The following CNDP1 variants were observed in gnomAD, a reference collection of about 807,000 sequenced individuals.
CNDP1 encodes carnosine dipeptidase 1, also known as beta-Ala-His dipeptidase.
A neutral mutation model predicts 58.1 loss-of-function variants in CNDP1; 44 were observed. The observed-to-expected ratio is 0.76, with a 90% CI of 0.60 to 0.97. CNDP1 has a LOEUF of 0.97. Ranked by LOEUF, CNDP1 falls within the 50% of genes least tolerant of loss-of-function variation. CNDP1 has a pLI of 0.00. For synonymous variants in CNDP1, 254 were observed against 252.6 expected, an observed-to-expected ratio of 1.01 and a Z score of -0.05; for missense variants, 616 against 655.1, an observed-to-expected ratio of 0.94 and a Z score of 0.65.
rs950804676 is a variant in CNDP1, at chr18:74,545,222, G to A, written c.24+10531G>A. Among the ~76,000 whole-genome samples the A allele has an allele frequency of 2.6e-5, 4 of 152,174 alleles. No individual in the cohort carries two copies. The highest frequency in any genetic ancestry group is 6.5e-5 in the Admixed American group (1 of 15,284). On this transcript the variant is annotated intron_variant, in intron 1 of 11. Coordinates refer to ENST00000358821, the MANE Select transcript of CNDP1 (RefSeq NM_032649.6). This position sits in a 1 kb window ranked among gnomAD's most constrained non-coding sequence, Gnocchi z 4.1. ...TAGTGGAGACCGATGGGAAAGCCCC[G>A]CCCTCTCCTCGAATCTGCCTTGTTC... is the stretch of plus-strand genomic sequence containing the variant.
intron 4 of CNDP1, 90 bp downstream of exon 4, chr18:74,561,108 C>A: frequency 6.7e-7 from 1 of 1,496,494 alleles, no homozygotes. Flanking sequence ...GGTTTTGGGT[C>A]TCTCCCTGTC....
chr18:74,572,160 G>A (rs1981495378), intron 7 of CNDP1, among the ~76,000 whole-genome samples: 2 of 152,154 alleles, frequency 1.3e-5, no homozygotes, highest in Non-Finnish European at 2.9e-5. Context: ...TTCCCCGATT[G>A]TCCTGGTGCT....
rs983934864 is a variant in CNDP1 at position 74,587,018 on chromosome 18, T to A, written c.*2456T>A. The A allele has an allele frequency of 6.6e-6, 1 of 152,184 alleles. No individual in the cohort carries two copies. The highest frequency in any genetic ancestry group is 1.9e-4 in the East Asian group (1 of 5,196). 9.4% of individuals were successfully genotyped at this position (152,184 alleles called of 1,614,324 possible). A position where few individuals can be genotyped will look rare whatever the true frequency, so the allele number is the denominator to read the frequency against. On this transcript the variant is annotated 3_prime_UTR_variant, in exon 12 of 12. Coordinates refer to ENST00000358821, the MANE Select transcript of CNDP1 (RefSeq NM_032649.6). ...ATTGTGGCATGCCCATCAGGGGGAC[T>A]TTGTTGTATTGGAGGAGGGCAATGT...
chr18:74,575,773 A>C (rs1981616431), intron 7 of CNDP1, among the ~76,000 whole-genome samples: 1 of 150,438 alleles, frequency 6.6e-6, no homozygotes, highest in Non-Finnish European at 1.5e-5. Context: ...AGAGAAGTTG[A>C]GAAGGGATGA....
rs758303238 is a variant in CNDP1 at position 74,562,097 on chromosome 18, T to C, written c.517T>C (p.Trp173Arg). Residue 173 changes from tryptophan to arginine, a missense_variant, in exon 5 of 12, where the codon TGG becomes CGG. Transcript: ENST00000358821. ...ATDNKGPVLA[W>R]INAVSAFRAL... Reference sequence around the variant, plus strand: ...CGACAACAAAGGCCCTGTCTTGGCTTGGATCAATGCTGTGAGCGCCTTCAG... The same window carrying C: ...CGACAACAAAGGCCCTGTCTTGGCTCGGATCAATGCTGTGAGCGCCTTCAG... 1 of 1,614,110 alleles carries C rather than the reference T, an allele frequency of 6.2e-7. No individual in the cohort carries two copies. The highest frequency in any genetic ancestry group is 8.5e-7 in the Non-Finnish European group (1 of 1,179,994).
chr18:74,549,677 C>A (rs1177126375), intron 1 of CNDP1, among the ~76,000 whole-genome samples: 1 of 152,144 alleles, frequency 6.6e-6, no homozygotes, highest in Non-Finnish European at 1.5e-5. Flanking sequence ...TAAAAGGTAG[C>A]CAAGTGTTAA....
chr18:74,571,362 A>G, intron 7 of CNDP1, 92 bp downstream of exon 7: 2 of 888,180 alleles, frequency 2.3e-6, no homozygotes, highest in Non-Finnish European at 3.8e-6. Context: ...TGCTTTCTGA[A>G]CCAGCTCTGA....
At chr18:74,579,122 C>G (rs549558188) in intron 9 of CNDP1, among the ~76,000 whole-genome samples, 36 of 149,832 alleles carry the variant, frequency 2.4e-4, no homozygotes, top group Admixed American at 1.4e-3. Flanking sequence ...CTCCCTCCTT[C>G]CTTCCTTCCT....
In CNDP1 at chr18:74,534,681, T is replaced by C; in HGVS notation, c.14T>C (p.Leu5Pro). The change falls in exon 1 of 12, where the codon CTC (leucine) becomes CCC (proline). Residue 5 changes from leucine to proline, a missense_variant. Transcript: ENST00000358821. ...AACTCCAGCCTAATGGATCCCAAACTCGGGAGAATGGTGAGTAGGACCTCC... is the reference window on the plus strand; with the variant it reads ...AACTCCAGCCTAATGGATCCCAAACCCGGGAGAATGGTGAGTAGGACCTCC... MDPK[L>P]GRMAASLLAV... The C allele has an allele frequency of 6.2e-7, 1 of 1,614,122 alleles. No homozygotes were observed. Among genetic ancestry groups the C allele is most frequent in the Non-Finnish European group, 8.5e-7 (1 of 1,180,016 alleles).
At chr18:74,578,099 A>G in intron 8 of CNDP1, 64 bp from the exon 9 acceptor site, 1 of 1,494,784 alleles carries the variant, frequency 6.7e-7, no homozygotes, top group Non-Finnish European at 9.1e-7. Flanking sequence ...GGGTGGTAAC[A>G]CAAGCAACCC....
chr18:74,560,058 G>A (rs1044123986), intron 3 of CNDP1, among the ~76,000 whole-genome samples: 4 of 137,308 alleles, frequency 2.9e-5, no homozygotes, highest in Non-Finnish European at 4.5e-5. Flanking sequence ...AGCCCAGGCT[G>A]GAGTGCAGTG....
intron 1 of CNDP1, among the ~76,000 whole-genome samples, chr18:74,537,537 T>C (rs1980512978): frequency 6.6e-6 from 1 of 152,218 alleles, no homozygotes; most frequent in Non-Finnish European, 1.5e-5. Context: ...TTTCTTTTAC[T>C]GTGACACAGA....
In CNDP1 at chr18:74,560,975, C is replaced by T. The variant is rs368136596; in HGVS notation, c.423C>T (p.Gly141=). ...GHLDVQPADR[G]DGWLTDPYVL... is the part of the protein sequence containing the mutation. ...TGGACGTGCAGCCTGCTGACCGGGG[C>T]GATGGGTGGCTCACGGACCCCTATG... is the stretch of plus-strand genomic sequence containing the variant. Residue 141 remains glycine (G), a synonymous_variant, in exon 4 of 12, where the codon GGC becomes GGT. Coordinates refer to ENST00000358821, the MANE Select transcript of CNDP1 (RefSeq NM_032649.6). 2.5e-5 allele frequency: 41 copies of T among 1,614,000 alleles called. No homozygotes were observed. In the African/African-American group the frequency reaches 3.1e-4, roughly 12 times the overall value.
intron 1 of CNDP1, among the ~76,000 whole-genome samples, chr18:74,550,740 CTA>C (rs1411727392): frequency 9.0e-6 from 1 of 111,554 alleles, no homozygotes; most frequent in African/African-American, 3.7e-5. Flanking sequence ...CCACGCCCGA[CTA>C]TTTTTTTTTT....
At chr18:74,546,974 G>A (rs1235869094) in intron 1 of CNDP1, among the ~76,000 whole-genome samples, 1 of 152,160 alleles carries the variant, frequency 6.6e-6, no homozygotes, top group African/African-American at 2.4e-5. Context: ...GACTTTCTGG[G>A]GAATTTTGCT....
chr18:74,559,229 C>G (rs890006375), intron 2 of CNDP1, 94 bp from the exon 3 acceptor site: 5 of 1,256,386 alleles, frequency 4.0e-6, no homozygotes, highest in Non-Finnish European at 4.6e-6. Context: ...CAGAAAAGTA[C>G]CTGGGGACTC....
At chr18:74,555,333 G>A (rs1981009624) in intron 1 of CNDP1, among the ~76,000 whole-genome samples, 1 of 152,106 alleles carries the variant, frequency 6.6e-6, no homozygotes, top group Non-Finnish European at 1.5e-5. Context: ...CCTGACGTAG[G>A]CGGTCTGACC....
At chr18:74,553,782 C>T (rs1980968340) in intron 1 of CNDP1, among the ~76,000 whole-genome samples, 1 of 152,158 alleles carries the variant, frequency 6.6e-6, no homozygotes, top group Admixed American at 6.5e-5. Context: ...AAAACTTCTG[C>T]CCTGAATGCC....
At chr18:74,563,402 T>C (rs1237787345) in intron 5 of CNDP1, among the ~76,000 whole-genome samples, 1 of 152,162 alleles carries the variant, frequency 6.6e-6, no homozygotes, top group East Asian at 1.9e-4. Flanking sequence ...TATCTCTCCT[T>C]CTAAGGGATA....
Sources: gnomAD v4.1 joint callset for allele counts (sites outside exome capture counted in the v4.1 genomes callset) on GRCh38, gnomAD v4.1.1 for gene constraint, Gnocchi (gnomAD v3.1) non-coding constraint, MANE v1.5 for transcripts, NCBI Gene and HGNC (gene_info 2026-07-23, HGNC 2026-07-21) for gene names.